The following NSRP1 variants were observed in gnomAD, a reference collection of about 807,000 sequenced individuals.
NSRP1 encodes the protein coiled-coil domain containing 55.
Under a neutral mutation model 54.7 loss-of-function variants are expected in NSRP1, and 24 were observed. That is an observed-to-expected ratio of 0.44 (90% CI 0.32 to 0.62). NSRP1 has a LOEUF of 0.62. Ranked by LOEUF, NSRP1 falls within the 20% of genes least tolerant of loss-of-function variation. The probability of loss-of-function intolerance (pLI) is 0.06; values close to 1 mark genes in which losing one functional copy is unlikely to be tolerated. For synonymous variants in NSRP1, 210 were observed against 213.8 expected (o/e 0.98, Z 0.15); for missense variants, 596 against 651.2 (o/e 0.92, Z 0.92).
At chr17:30,144,325 A>G (rs1294509743) in intron 2 of NSRP1, among the ~76,000 whole-genome samples, 3 of 151,312 alleles carry the variant, frequency 2.0e-5, no homozygotes, top group African/African-American at 2.4e-5. Context: ...GAGTGGCACA[A>G]TCTTGGCCCT....
At chr17:30,145,469 G>C (rs2071845795) in intron 2 of NSRP1, among the ~76,000 whole-genome samples, 1 of 152,150 alleles carries the variant, frequency 6.6e-6, no homozygotes, top group African/African-American at 2.4e-5. Context: ...TGTAGTCCCA[G>C]CTACTTGGGA....
chr17:30,168,454 A>G (rs2143007624), intron 2 of NSRP1, among the ~76,000 whole-genome samples: 2 of 151,898 alleles, frequency 1.3e-5, no homozygotes, highest in South Asian at 4.1e-4. Context: ...CAAAAAAGAC[A>G]CACAGAATAG....
intron 2 of NSRP1, among the ~76,000 whole-genome samples, chr17:30,135,355 G>T (rs892674675): frequency 6.6e-6 from 1 of 151,696 alleles, no homozygotes; most frequent in African/African-American, 2.4e-5. Flanking sequence ...AACTCCTGGG[G>T]CTCAAGTGAT....
rs553991010 is a variant in NSRP1 at position 30,174,487 on chromosome 17, A to G, written c.171+1889A>G. Among the ~76,000 whole-genome samples, 4 of 152,314 alleles carry G rather than the reference A, an allele frequency of 2.6e-5. No individual in the cohort carries two copies. The South Asian group carries it at 8.3e-4, about 32-fold the overall frequency. ...GAGAAAATGCTTTTTAAAATGGGGT[A>G]CTTTAAACTATTTTTTTCTTCTATG... On this transcript the variant is annotated intron_variant, in intron 3 of 6. Coordinates refer to ENST00000247026, the MANE Select transcript of NSRP1 (RefSeq NM_032141.4).
Position 30,184,576 on chromosome 17 carries a change from G to A in NSRP1, c.618-39G>A, listed in dbSNP as rs754622408. ...ATTTGCTTATTACAACTGATAATGTGGCATTTTTTTCTGCCCTTTTTTGTT... is the reference window on the plus strand; with the variant it reads ...ATTTGCTTATTACAACTGATAATGTAGCATTTTTTTCTGCCCTTTTTTGTT... On this transcript the variant is annotated intron_variant, in intron 6 of 6. Coordinates refer to ENST00000247026, the MANE Select transcript of NSRP1 (RefSeq NM_032141.4). The A allele has an allele frequency of 3.3e-6, 5 of 1,518,216 alleles. No homozygotes were observed. The East Asian group carries it at 9.1e-5, about 27-fold the overall frequency. The allele number at this position is 1,518,216 out of a possible 1,614,324, so 94.0% of individuals were successfully genotyped here. A position where few individuals can be genotyped will look rare whatever the true frequency, so the allele number is the denominator to read the frequency against.
At chr17:30,171,934 TCACACACACACACA>T (rs746244255) in intron 2 of NSRP1, among the ~76,000 whole-genome samples, 41 of 113,418 alleles carry the variant, frequency 3.6e-4, no homozygotes, top group African/African-American at 1.2e-3. Context: ...TCCCCATTTC[TCACACACACACACA>T]CACACACACA....
At chr17:30,151,836 G>C (rs992562543) in intron 2 of NSRP1, among the ~76,000 whole-genome samples, 5 of 135,728 alleles carry the variant, frequency 3.7e-5, no homozygotes, top group Non-Finnish European at 7.6e-5. Flanking sequence ...AGGCTGGAGT[G>C]CAGTGGCGCA....
chr17:30,132,820 A>G (rs1047933065), intron 2 of NSRP1, among the ~76,000 whole-genome samples: 3 of 152,326 alleles, frequency 2.0e-5, no homozygotes, highest in Admixed American at 2.0e-4. Flanking sequence ...GCCTCCACCC[A>G]TGAATCACAA....
intron 6 of NSRP1, among the ~76,000 whole-genome samples, chr17:30,181,453 A>T (rs1392688716): frequency 1.4e-5 from 2 of 139,894 alleles, no homozygotes; most frequent in African/African-American, 5.4e-5. Context: ...GGGTGGATGG[A>T]GTACAGTGGT....
intron 2 of NSRP1, chr17:30,168,745 G>T: frequency 6.6e-6 from 1 of 151,360 alleles, no homozygotes; most frequent in Admixed American, 6.6e-5. Context: ...TTTATATAGG[G>T]TTACTATTAC....
intron 2 of NSRP1, among the ~76,000 whole-genome samples, chr17:30,157,947 TG>T (rs773549862): frequency 1.3e-5 from 2 of 152,188 alleles, no homozygotes; most frequent in African/African-American, 4.8e-5. Flanking sequence ...AATAATACTG[TG>T]GTGAACATAT....
chr17:30,161,181 G>A (rs1904500418), intron 2 of NSRP1, among the ~76,000 whole-genome samples: 1 of 152,126 alleles, frequency 6.6e-6, no homozygotes, highest in Admixed American at 6.6e-5. Flanking sequence ...AACTAAACTG[G>A]CTATAAACAT....
chr17:30,129,155 T>C (rs1421433075), intron 2 of NSRP1, among the ~76,000 whole-genome samples: 1 of 151,900 alleles, frequency 6.6e-6, no homozygotes, highest in Non-Finnish European at 1.5e-5. Context: ...AGTTTCCAAA[T>C]CATATTAAAA....
At chr17:30,183,450 T>C (rs1192541831) in intron 6 of NSRP1, among the ~76,000 whole-genome samples, 1 of 152,246 alleles carries the variant, frequency 6.6e-6, no homozygotes, top group Non-Finnish European at 1.5e-5. Context: ...TATATCTTTG[T>C]ATTAGAGTTT....
intron 2 of NSRP1, among the ~76,000 whole-genome samples, chr17:30,158,306 G>A (rs1428883558): frequency 8.2e-6 from 1 of 122,008 alleles, no homozygotes; most frequent in Non-Finnish European, 1.8e-5. Flanking sequence ...CTTTTTAATG[G>A]CATTTTTTTT....
intron 2 of NSRP1, among the ~76,000 whole-genome samples, chr17:30,160,560 A>G (rs1390766933): frequency 5.3e-5 from 8 of 152,026 alleles, no homozygotes; most frequent in African/African-American, 1.7e-4. Flanking sequence ...CATGTCCTTT[A>G]GGTTTTCCAG....
chr17:30,133,986 C>T (rs1249391170), intron 2 of NSRP1, among the ~76,000 whole-genome samples: 3 of 152,234 alleles, frequency 2.0e-5, no homozygotes, highest in Non-Finnish European at 2.9e-5. Context: ...AGCATGCCTT[C>T]CTCAATCAGC....
At chr17:30,124,463 C>T (rs573469780) in intron 2 of NSRP1, among the ~76,000 whole-genome samples, 2 of 152,374 alleles carry the variant, frequency 1.3e-5, no homozygotes, top group South Asian at 4.1e-4. Context: ...TAGCTTTCTC[C>T]TTCCCTCCTG....
intron 2 of NSRP1, among the ~76,000 whole-genome samples, chr17:30,162,470 T>G (rs1904555464): frequency 6.6e-6 from 1 of 152,214 alleles, no homozygotes; most frequent in Non-Finnish European, 1.5e-5. Context: ...CAAATAGAGA[T>G]TGCTGAGTTG....
Sources: gnomAD v4.1 joint callset for allele counts (sites outside exome capture counted in the v4.1 genomes callset) on GRCh38, gnomAD v4.1.1 for gene constraint, MANE v1.5 for transcripts, NCBI Gene and HGNC (gene_info 2026-07-23, HGNC 2026-07-21) for gene names.